The following PLPPR5 variants were observed in gnomAD, a reference collection of about 807,000 sequenced individuals.
PLPPR5 encodes the protein phospholipid phosphatase related 5, also known as phospholipid phosphatase-related protein type 5.
PLPPR5 carries 16 observed loss-of-function variants against 33.9 expected under a neutral mutation model. The observed-to-expected ratio is 0.47, with a 90% CI of 0.32 to 0.72. PLPPR5 has a LOEUF of 0.72. PLPPR5 is among the 30% of genes least tolerant of loss of function. The probability of loss-of-function intolerance (pLI) is 0.03; values close to 1 mark genes in which losing one functional copy is unlikely to be tolerated. For synonymous variants in PLPPR5, 163 were observed against 150.3 expected, an observed-to-expected ratio of 1.08 and a Z score of -0.62; for missense variants, 301 against 406.7, an observed-to-expected ratio of 0.74 and a Z score of 2.23.
chr1:98,958,816 T>C (rs11166145), intron 1 of PLPPR5, among the ~76,000 whole-genome samples: 39,987 of 151,890 alleles, frequency 0.26, 5,402 homozygotes, highest in East Asian at 0.39. Flanking sequence ...ACAGAATGTT[T>C]CAAATTCTAA....
At chr1:98,978,453 T>C (rs1651941946) in intron 1 of PLPPR5, among the ~76,000 whole-genome samples, 1 of 151,990 alleles carries the variant, frequency 6.6e-6, no homozygotes, top group Admixed American at 6.6e-5. Flanking sequence ...TAACTCTCTT[T>C]CTCTTTCTAC....
chr1:98,957,191 T>A (rs1391687062), intron 1 of PLPPR5, among the ~76,000 whole-genome samples: 2 of 104,226 alleles, frequency 1.9e-5, no homozygotes, highest in African/African-American at 3.7e-5. Flanking sequence ...TGTTGTGGGG[T>A]TGGGGGAGGG....
intron 1 of PLPPR5, among the ~76,000 whole-genome samples, chr1:98,998,207 A>T (rs902486024): frequency 6.6e-5 from 10 of 152,192 alleles, no homozygotes. Context: ...AAGAGGCACA[A>T]GAAGGAGTCA....
Position 98,956,130 on chromosome 1 carries a change from T to A in PLPPR5, c.370+479A>T, listed in dbSNP as rs200232686. The stretch of plus-strand genomic sequence containing the variant: ...GTTGTTTTTCTTATCCTTCGTGATG[T>A]TCGACAACCTACCTGGATTATCACC... On this transcript the variant is annotated intron_variant, in intron 2 of 5. Coordinates refer to ENST00000263177, the MANE Select transcript of PLPPR5 (RefSeq NM_001037317.2). 3.3e-5 allele frequency among the ~76,000 whole-genome samples: 5 copies of A among 152,262 alleles called. No individual in the cohort carries two copies. In the East Asian group the frequency reaches 9.6e-4, roughly 29 times the overall value.
In PLPPR5 at chr1:98,954,008, A is replaced by C. The variant is rs186974329; in HGVS notation, c.371-688T>G. Among the ~76,000 whole-genome samples, 465 of 152,314 alleles carry C rather than the reference A, an allele frequency of 3.1e-3. 4 individuals are homozygous for C. Among genetic ancestry groups the C allele is most frequent in the African/African-American group, 0.011 (446 of 41,566 alleles). On this transcript the variant is annotated intron_variant, in intron 2 of 5. Coordinates refer to ENST00000263177, the MANE Select transcript of PLPPR5 (RefSeq NM_001037317.2). ...TCCAATGTGGGCTATTTAGTAAACA[A>C]GGCAATCAAAATTATAGGTTATTAA...
intron 3 of PLPPR5, among the ~76,000 whole-genome samples, chr1:98,951,299 G>T (rs1438393588): frequency 6.6e-6 from 1 of 152,174 alleles, no homozygotes; most frequent in Non-Finnish European, 1.5e-5. Flanking sequence ...GAAAGAATAT[G>T]CATGGGCTAC....
intron 1 of PLPPR5, among the ~76,000 whole-genome samples, chr1:98,971,146 A>G (rs2100743382): frequency 6.6e-6 from 1 of 152,156 alleles, no homozygotes; most frequent in East Asian, 1.9e-4. Flanking sequence ...TTATTTTTAG[A>G]AGCAGCCTGC....
At chr1:98,944,835 C>T (rs760804644) in intron 3 of PLPPR5, among the ~76,000 whole-genome samples, 11 of 152,172 alleles carry the variant, frequency 7.2e-5, no homozygotes, top group Non-Finnish European at 1.5e-4. Context: ...AACATAGAGT[C>T]TGGAGCTTAT....
At chr1:98,972,189 A>G (rs1651685841) in intron 1 of PLPPR5, among the ~76,000 whole-genome samples, 1 of 152,030 alleles carries the variant, frequency 6.6e-6, no homozygotes, top group Admixed American at 6.6e-5. Context: ...CAAAATCACA[A>G]TTTTTTAACC....
intron 5 of PLPPR5, among the ~76,000 whole-genome samples, chr1:98,909,602 A>C (rs1649045213): frequency 6.6e-6 from 1 of 152,024 alleles, no homozygotes; most frequent in African/African-American, 2.4e-5. Context: ...TATTGAACTC[A>C]TATGATGATC....
Position 98,921,979 on chromosome 1 carries a change from G to C in PLPPR5, c.701C>G (p.Ala234Gly). 6.2e-7 allele frequency: 1 copy of C among 1,613,642 alleles called. No individual in the cohort carries two copies. The highest frequency in any genetic ancestry group is 8.5e-7 in the Non-Finnish European group (1 of 1,179,954). Reference sequence around the variant, plus strand: ...TACTCTGTTGAGTCCAGTAAGAAATGCCAAACACATTAAGCCCAAGCATAG... The same window carrying C: ...TACTCTGTTGAGTCCAGTAAGAAATCCCAAACACATTAAGCCCAAGCATAG... ...PVLCLGLMCL[A>G]FLTGLNRVAE... The change falls in exon 4 of 6, where the codon GCA (alanine) becomes GGA (glycine). Residue 234 changes from alanine (A) to glycine (G), a missense_variant. By Grantham distance (60) the Ala-to-Gly change is moderately conservative. Coordinates refer to ENST00000263177, the MANE Select transcript of PLPPR5 (RefSeq NM_001037317.2).
At chr1:98,995,374 C>G (rs1652596852) in intron 1 of PLPPR5, among the ~76,000 whole-genome samples, 1 of 152,072 alleles carries the variant, frequency 6.6e-6, no homozygotes, top group African/African-American at 2.4e-5. Flanking sequence ...TTCTTATTAC[C>G]TGGGTGATGA....
At chr1:98,967,250 T>C (rs1238002915) in intron 1 of PLPPR5, among the ~76,000 whole-genome samples, 1 of 152,088 alleles carries the variant, frequency 6.6e-6, no homozygotes, top group Non-Finnish European at 1.5e-5. Flanking sequence ...AAGTGAAATA[T>C]GAAGAGATGA....
At chr1:98,940,730 A>T (rs1650340844) in intron 3 of PLPPR5, among the ~76,000 whole-genome samples, 1 of 151,954 alleles carries the variant, frequency 6.6e-6, no homozygotes, top group South Asian at 2.1e-4. Flanking sequence ...AACAACACAA[A>T]GAAGGTAAAT....
At chr1:98,974,329 A>G (rs118124033) in intron 1 of PLPPR5, among the ~76,000 whole-genome samples, 2 of 152,238 alleles carry the variant, frequency 1.3e-5, no homozygotes, top group East Asian at 1.9e-4. Flanking sequence ...CCTCTGAGAA[A>G]AAGCTTGACA....
upstream of PLPPR5, among the ~76,000 whole-genome samples, chr1:99,005,517 G>A (rs1653058639): frequency 6.6e-6 from 1 of 152,112 alleles, no homozygotes; most frequent in African/African-American, 2.4e-5. Flanking sequence ...TCATAGCCCA[G>A]TAGCTCCCGA....
chr1:98,981,398 T>C (rs1652059692), intron 1 of PLPPR5, among the ~76,000 whole-genome samples: 1 of 152,064 alleles, frequency 6.6e-6, no homozygotes, highest in Admixed American at 6.6e-5. Context: ...CCTACCAAGC[T>C]TTCTTCAGCC....
At chr1:98,916,267 CAGA>C (rs1471398068) in intron 4 of PLPPR5, among the ~76,000 whole-genome samples, 1 of 152,180 alleles carries the variant, frequency 6.6e-6, no homozygotes, top group Non-Finnish European at 1.5e-5. Flanking sequence ...TTCCACTTCC[CAGA>C]AGAACTACAG....
At chr1:98,955,650 T>C (rs1372169908) in intron 2 of PLPPR5, among the ~76,000 whole-genome samples, 1 of 152,096 alleles carries the variant, frequency 6.6e-6, no homozygotes. Flanking sequence ...GGCTAGTCTT[T>C]AATGGGTTTA....
Sources: allele counts gnomAD v4.1 joint callset (sites outside exome capture counted in the v4.1 genomes callset), GRCh38; gene constraint gnomAD v4.1.1; transcripts MANE v1.5; gene names NCBI Gene and HGNC (gene_info 2026-07-23, HGNC 2026-07-21).